ZHX2: variants seen among roughly 807,000 people sequenced by gnomAD.
ZHX2 encodes zinc fingers and homeoboxes 2, also known as zinc fingers and homeoboxes protein 2.
In ZHX2, 6 loss-of-function variants were observed where a neutral mutation model predicts 21.9. That is an observed-to-expected ratio of 0.27 (90% CI 0.15 to 0.54). The LOEUF (loss-of-function observed/expected upper bound fraction) is 0.54, where lower values mean the gene tolerates loss of function less well. ZHX2 is among the 20% of genes least tolerant of loss of function. ZHX2 has a pLI of 0.95. For missense variants in ZHX2, 908 were observed against 1,090.7 expected (o/e 0.83, Z 2.36); for synonymous variants, 434 against 437.1 (o/e 0.99, Z 0.09).
At chr8:122,885,622 CTA>C (rs962647109) in intron 2 of ZHX2, among the ~76,000 whole-genome samples, 2 of 152,254 alleles carry the variant, frequency 1.3e-5, no homozygotes, top group African/African-American at 4.8e-5. Flanking sequence ...TGGGCAACGT[CTA>C]GAGACATCTT....
intron 1 of ZHX2, among the ~76,000 whole-genome samples, chr8:122,850,684 C>T (rs1205724728): frequency 5.3e-5 from 8 of 151,356 alleles, no homozygotes; most frequent in Non-Finnish European, 1.2e-4. Flanking sequence ...CCACATGGAT[C>T]ACTGCAGTAG....
chr8:122,940,169 G>A (rs571621860), intron 2 of ZHX2, among the ~76,000 whole-genome samples: 19 of 152,290 alleles, frequency 1.2e-4, no homozygotes, highest in Admixed American at 1.2e-3. Context: ...AGTAAGTAAT[G>A]AAGCCAGGAT....
At chr8:122,936,317 G>A (rs1812690844) in intron 2 of ZHX2, among the ~76,000 whole-genome samples, 1 of 152,224 alleles carries the variant, frequency 6.6e-6, no homozygotes, top group Admixed American at 6.5e-5. Context: ...GGGGCAGCAA[G>A]CAATCTGCGG....
chr8:122,870,735 C>G (rs139382373), intron 2 of ZHX2, among the ~76,000 whole-genome samples: 1 of 150,468 alleles, frequency 6.6e-6, no homozygotes, highest in East Asian at 2.0e-4. Flanking sequence ...GACAAGGAAG[C>G]AGTGAGGAGA....
chr8:122,951,368 CA>C lies in ZHX2; in HGVS notation c.-142del. ...GCTGAAATCATTCTGAAAACTCAAACAGTAGACTTCAGCACACAAGGAAAGC... is the reference window on the plus strand; with the variant it reads ...GCTGAAATCATTCTGAAAACTCAAACGTAGACTTCAGCACACAAGGAAAGC... On this transcript the variant is annotated 5_prime_UTR_variant, in exon 3 of 4. Transcript: ENST00000314393. 1.4e-6 allele frequency: 1 copy of C among 704,912 alleles called. No individual in the cohort carries two copies. Among genetic ancestry groups the C allele is most frequent in the African/African-American group, 1.8e-5 (1 of 55,782 alleles). 43.7% of individuals were successfully genotyped at this position (704,912 alleles called of 1,614,324 possible).
intron 2 of ZHX2, among the ~76,000 whole-genome samples, chr8:122,864,480 A>G (rs12679756): frequency 0.68 from 103,439 of 151,862 alleles, 36,114 homozygotes; most frequent in African/African-American, 0.83. Flanking sequence ...CTCAAAGCAT[A>G]ATGAGAGTTT....
intron 1 of ZHX2, among the ~76,000 whole-genome samples, chr8:122,800,498 C>T (rs1817698027): frequency 6.6e-6 from 1 of 152,212 alleles, no homozygotes; most frequent in Admixed American, 6.5e-5. Flanking sequence ...GTAGCGGCCA[C>T]CCCTTGTGCA....
chr8:122,829,403 A>G (rs936242482), intron 1 of ZHX2, among the ~76,000 whole-genome samples: 5 of 152,222 alleles, frequency 3.3e-5, no homozygotes, highest in Non-Finnish European at 7.3e-5. Flanking sequence ...ACTTATAACA[A>G]TGCTTAGAGT....
intron 1 of ZHX2, among the ~76,000 whole-genome samples, chr8:122,816,788 T>C (rs1371133271): frequency 6.6e-6 from 1 of 152,164 alleles, no homozygotes; most frequent in East Asian, 1.9e-4. Flanking sequence ...GCTAGGAAAC[T>C]TATCCAAAGC....
intron 1 of ZHX2, among the ~76,000 whole-genome samples, chr8:122,802,576 G>A (rs1054734736): frequency 3.3e-5 from 5 of 152,162 alleles, no homozygotes; most frequent in African/African-American, 1.2e-4. Context: ...TGACGTTTCC[G>A]TGGAAAGCCC....
chr8:122,851,071 G>C lies in ZHX2; in HGVS notation c.-282-12406G>C, dbSNP rs28432059. On this transcript the variant is annotated intron_variant, in intron 1 of 3. Coordinates refer to ENST00000314393, the MANE Select transcript of ZHX2 (RefSeq NM_014943.5). ...ACTGCACTAGCTGCTCACATGTTTC[G>C]CATGGAACTCCAAGGGTGCCATTCA... Among the ~76,000 whole-genome samples, 1,230 of 152,148 alleles carry C rather than the reference G, an allele frequency of 8.1e-3. 25 individuals are homozygous for C. The highest frequency in any genetic ancestry group is 0.027 in the African/African-American group (1,118 of 41,492).
At chr8:122,944,093 T>C (rs1354034253) in intron 2 of ZHX2, among the ~76,000 whole-genome samples, 1 of 152,218 alleles carries the variant, frequency 6.6e-6, no homozygotes, top group Non-Finnish European at 1.5e-5. Context: ...CACTCTCACT[T>C]TCCTCTACCT....
chr8:122,782,283 C>T lies in ZHX2; in HGVS notation c.-283+337C>T, dbSNP rs1817304654. On this transcript the variant is annotated intron_variant, in intron 1 of 3. Coordinates refer to ENST00000314393, the MANE Select transcript of ZHX2 (RefSeq NM_014943.5). This position sits in a 1 kb window ranked among gnomAD's most constrained non-coding sequence, Gnocchi z 5.3. ...GAGGAGGAAAAACATGTCTACGTTT[C>T]CCTATGTCGACATAAGCCACAAAAA... 6.6e-6 allele frequency among the ~76,000 whole-genome samples: 1 copy of T among 152,028 alleles called. No homozygotes were observed. Among genetic ancestry groups the T allele is most frequent in the African/African-American group, 2.4e-5 (1 of 41,400 alleles).
At chr8:122,950,375 A>C (rs149454266) in intron 2 of ZHX2, among the ~76,000 whole-genome samples, 2,149 of 152,262 alleles carry the variant, frequency 0.014, 45 homozygotes, top group Admixed American at 0.057. Context: ...TTGAACAATG[A>C]AAACACATGG....
At chr8:122,864,229 T>C (rs181907073) in intron 2 of ZHX2, among the ~76,000 whole-genome samples, 130 of 147,604 alleles carry the variant, frequency 8.8e-4, no homozygotes, top group Non-Finnish European at 6.7e-4. Context: ...AGGAGGGAGG[T>C]AGTGTAGGGA....
intron 1 of ZHX2, among the ~76,000 whole-genome samples, chr8:122,833,784 C>G (rs1818434896): frequency 2.0e-5 from 3 of 152,110 alleles, no homozygotes; most frequent in African/African-American, 7.2e-5. Context: ...ATCACGAGGT[C>G]AGGAGATCGA....
chr8:122,873,813 C>G (rs988850869), intron 2 of ZHX2, among the ~76,000 whole-genome samples: 2 of 152,178 alleles, frequency 1.3e-5, no homozygotes, highest in East Asian at 3.9e-4. Context: ...TCTTGCTTCC[C>G]AGCTTCTAGA....
intron 2 of ZHX2, among the ~76,000 whole-genome samples, chr8:122,874,430 T>C (rs1349281338): frequency 6.6e-6 from 1 of 151,500 alleles, no homozygotes; most frequent in Non-Finnish European, 1.5e-5. Context: ...CCTCCTGGGG[T>C]TCAAGCAATT....
chr8:122,933,109 A>T (rs1821033777), intron 2 of ZHX2, among the ~76,000 whole-genome samples: 1 of 152,130 alleles, frequency 6.6e-6, no homozygotes, highest in South Asian at 2.1e-4. Flanking sequence ...ATGGAGAAAG[A>T]TCTGACAGAC....
Sources: gnomAD v4.1 joint callset for allele counts (sites outside exome capture counted in the v4.1 genomes callset) on GRCh38, gnomAD v4.1.1 for gene constraint, Gnocchi (gnomAD v3.1) non-coding constraint, MANE v1.5 for transcripts, NCBI Gene and HGNC (gene_info 2026-07-23, HGNC 2026-07-21) for gene names.